Variants in SECISBP2 observed in about 807,000 individuals in gnomAD.
The protein encoded by SECISBP2 is selenocysteine insertion sequence-binding protein 2.
In SECISBP2, 96 loss-of-function variants were observed where a neutral mutation model predicts 98.2. The ratio of observed to expected loss-of-function variants is 0.98; its 90% CI spans 0.83 to 1.16. The LOEUF is 1.16. Ranked by LOEUF, SECISBP2 falls within the 50% of genes most tolerant of loss-of-function variation. SECISBP2 has a pLI of 0.00. For missense variants in SECISBP2, 1,046 were observed against 1,022.9 expected (o/e 1.02, Z -0.31); for synonymous variants, 407 against 370.2 (o/e 1.10, Z -1.14).
rs1831686221 is a variant in SECISBP2, at chr9:89,354,020, T to G, written c.2113+3168T>G. 2.0e-5 allele frequency among the ~76,000 whole-genome samples: 3 copies of G among 152,266 alleles called. No homozygotes were observed. In the South Asian group the frequency reaches 6.2e-4, roughly 31 times the overall value. ...ATAGCCTTGAATTAAGTTGAAGTAC[T>G]GTATTTGCTCTGAGTGGCATTTAAC... On this transcript the variant is annotated intron_variant, in intron 14 of 16. Coordinates refer to ENST00000375807, the MANE Select transcript of SECISBP2 (RefSeq NM_024077.5).
chr9:89,362,406 A>G (rs148210520), downstream of SECISBP2: 1,258 of 1,613,940 alleles, frequency 7.8e-4, 14 homozygotes, highest in Admixed American at 5.0e-4. Context: ...TGGTGGCTAC[A>G]GGGTGTCCTT....
chr9:89,337,912 A>G (rs764029322), intron 7 of SECISBP2, among the ~76,000 whole-genome samples: 13 of 152,258 alleles, frequency 8.5e-5, no homozygotes, highest in South Asian at 2.1e-4. Context: ...GCCAAATTCT[A>G]GTGAAGGGGC....
intron 7 of SECISBP2, among the ~76,000 whole-genome samples, chr9:89,336,618 A>G (rs1828760519): frequency 6.6e-6 from 1 of 151,480 alleles, no homozygotes; most frequent in Admixed American, 6.6e-5. Context: ...TGCTCTGTGC[A>G]TGTATTTGAG....
chr9:89,343,918 G>C (rs1256882837), intron 10 of SECISBP2, among the ~76,000 whole-genome samples: 1 of 152,200 alleles, frequency 6.6e-6, no homozygotes, highest in East Asian at 1.9e-4. Context: ...TCACCACACT[G>C]CTTTCCACAG....
chr9:89,363,798 C>G (rs771619778), downstream of SECISBP2: 10 of 1,613,900 alleles, frequency 6.2e-6, no homozygotes, highest in East Asian at 2.2e-4. Context: ...GAGGAGAGGA[C>G]AGAGCAGCGA....
intron 8 of SECISBP2, 119 bp downstream of exon 8, chr9:89,338,699 T>C (rs1829181850): frequency 9.2e-7 from 1 of 1,089,162 alleles, no homozygotes. Context: ...ATGATCATTT[T>C]TGTAGTGCTA....
intron 14 of SECISBP2, among the ~76,000 whole-genome samples, chr9:89,355,939 A>C (rs1025241100): frequency 3.9e-5 from 6 of 152,190 alleles, no homozygotes; most frequent in Admixed American, 1.3e-4. Context: ...CTTTATAGTA[A>C]ACTTTAATAC....
chr9:89,363,162 C>A (rs1316655893), downstream of SECISBP2, among the ~76,000 whole-genome samples: 1 of 152,192 alleles, frequency 6.6e-6, no homozygotes. Flanking sequence ...ACTAGACAGC[C>A]CCACCTGTGA....
intron 14 of SECISBP2, among the ~76,000 whole-genome samples, chr9:89,351,138 C>T (rs955162979): frequency 2.0e-5 from 3 of 152,206 alleles, no homozygotes; most frequent in African/African-American, 7.2e-5. Context: ...GTGCAGGCCA[C>T]TGCCCTGGGG....
intron 2 of SECISBP2, among the ~76,000 whole-genome samples, chr9:89,320,651 G>T (rs574747578): frequency 5.5e-4 from 83 of 152,202 alleles, no homozygotes; most frequent in African/African-American, 1.9e-3. Context: ...CACATTTCAG[G>T]CTTAAGTTCT....
rs956828890 is a variant in SECISBP2 at position 89,357,866 on chromosome 9, C to T, written c.2269-133C>T. The T allele has an allele frequency of 5.6e-5, 59 of 1,050,416 alleles. No homozygotes were observed. The South Asian group carries it at 7.9e-4, about 14-fold the overall frequency. The allele number at this position is 1,050,416 out of a possible 1,614,324, so 65.1% of individuals were successfully genotyped here. ...TCCTCTGGGGCAGCATCCCTGGTAC[C>T]CACCCATAAGCATGAGGTCCACATT... On this transcript the variant is annotated intron_variant, in intron 15 of 16. Transcript: ENST00000375807.
chr9:89,321,451 G>C (rs890255337), intron 2 of SECISBP2, among the ~76,000 whole-genome samples: 1 of 151,710 alleles, frequency 6.6e-6, no homozygotes, highest in Admixed American at 6.6e-5. Context: ...TGGATCACGA[G>C]GTCAGGAGTT....
chr9:89,318,914 G>T (rs1227122068), intron 1 of SECISBP2: 2 of 1,227,184 alleles, frequency 1.6e-6, no homozygotes, highest in Non-Finnish European at 2.0e-6. Context: ...GGACTCTGGC[G>T]AGCTTCCCGC....
chr9:89,341,724 A>G (rs77108882), intron 10 of SECISBP2, among the ~76,000 whole-genome samples: 2,108 of 152,344 alleles, frequency 0.014, 58 homozygotes, highest in African/African-American at 0.048. Context: ...TCTCTTTAAA[A>G]TGGTATTAGA....
At chr9:89,333,755 C>G (rs924292241) in intron 6 of SECISBP2, among the ~76,000 whole-genome samples, 2 of 152,230 alleles carry the variant, frequency 1.3e-5, no homozygotes, top group African/African-American at 4.8e-5. Context: ...GTTCCATGTA[C>G]CCTGCTTTGA....
At chr9:89,355,157 T>C in intron 14 of SECISBP2, 1 of 985,432 alleles carries the variant, frequency 1.0e-6, no homozygotes, top group Non-Finnish European at 1.2e-6. Flanking sequence ...AGGACGTGCA[T>C]TGGAGAAGTT....
At chr9:89,331,133 A>G (rs1324876151) in intron 5 of SECISBP2, among the ~76,000 whole-genome samples, 1 of 152,270 alleles carries the variant, frequency 6.6e-6, no homozygotes, top group African/African-American at 2.4e-5. Context: ...TGCTTAACAC[A>G]TAATCTTTTA....
intron 5 of SECISBP2, 85 bp from the exon 6 acceptor site, chr9:89,332,823 A>G (rs1182347565): frequency 3.4e-5 from 36 of 1,070,470 alleles, no homozygotes; most frequent in Admixed American, 9.0e-5. Context: ...TCTGTTGTCA[A>G]AGTGTTCTGG....
rs546045006 is a variant in SECISBP2, at chr9:89,345,966, G to A, written c.1436-916G>A. 1.6e-4 allele frequency among the ~76,000 whole-genome samples: 24 copies of A among 152,346 alleles called. No individual in the cohort carries two copies. In the South Asian group the frequency reaches 4.1e-3, roughly 26 times the overall value. ...TTGACCTGTGCAGGTTACGTTCTGC[G>A]TTGAAGCAGTGAATCAGACAGTCAG... is the stretch of plus-strand genomic sequence containing the variant. On this transcript the variant is annotated intron_variant, in intron 10 of 16. Transcript: ENST00000375807.
Sources: allele counts gnomAD v4.1 joint callset (sites outside exome capture counted in the v4.1 genomes callset), GRCh38; gene constraint gnomAD v4.1.1; transcripts MANE v1.5; gene names NCBI Gene and HGNC (gene_info 2026-07-23, HGNC 2026-07-21).